MCHR1: variants seen among roughly 807,000 people sequenced by gnomAD.
MCHR1 encodes the protein melanin-concentrating hormone receptor 1.
Under a neutral mutation model 20.4 loss-of-function variants are expected in MCHR1, and 13 were observed. The observed-to-expected ratio is 0.64, with a 90% CI of 0.41 to 1.01. MCHR1 has a LOEUF of 1.01. MCHR1 is among the 50% of genes least tolerant of loss of function. The pLI is 0.00. For synonymous variants in MCHR1, 215 were observed against 204.4 expected, an observed-to-expected ratio of 1.05 and a Z score of -0.44; for missense variants, 472 against 477.0, an observed-to-expected ratio of 0.99 and a Z score of 0.10.
Position 40,681,667 on chromosome 22 carries a change from GTGC to G in MCHR1, c.804_806del (p.Cys268del). On this transcript the variant is annotated inframe_deletion, in exon 2 of 2. Transcript: ENST00000249016. The surrounding 1 kb of genome is among the most constrained non-coding windows in gnomAD (Gnocchi z 4.3). The stretch of plus-strand genomic sequence containing the variant: ...TCGCCATCTGTCTGGTCTTCTTTGT[GTGC>G]TGGGCACCCTACTATGTGCTACAGC... 1 of 1,614,282 alleles carries G rather than the reference GTGC, an allele frequency of 6.2e-7. No individual in the cohort carries two copies. The highest frequency in any genetic ancestry group is 8.5e-7 in the Non-Finnish European group (1 of 1,180,048).
rs1433701088 is a variant in MCHR1 at position 40,679,700 on chromosome 22, C to T, written c.48C>T (p.Asn16=). Reference sequence around the variant, plus strand: ...TGCCCACTGGTCCCAACGCCAGCAACACCTCTGATGGCCCCGATAACCTCA... The same window carrying T: ...TGCCCACTGGTCCCAACGCCAGCAATACCTCTGATGGCCCCGATAACCTCA... ...SLLPTGPNAS[N]TSDGPDNLTS... The change falls in exon 1 of 2, where the codon AAC becomes AAT. Residue 16 remains asparagine, a synonymous_variant. Transcript: ENST00000249016. 1.9e-6 allele frequency: 3 copies of T among 1,614,124 alleles called. No homozygotes were observed. The highest frequency in any genetic ancestry group is 2.5e-6 in the Non-Finnish European group (3 of 1,180,008).
At position 40,681,723 on chromosome 22, in the gene MCHR1, C is replaced by A. The variant is rs201606721; in HGVS notation, c.857C>A (p.Thr286Asn). ...QLTQLSISRP[T>N]LTFVYLYNAA... ...ACCCAGTTGTCCATCAGCCGCCCGACCCTCACCTTTGTCTACTTATACAAT... is the reference window on the plus strand; with the variant it reads ...ACCCAGTTGTCCATCAGCCGCCCGAACCTCACCTTTGTCTACTTATACAAT... Residue 286 changes from threonine to asparagine, a missense_variant, in exon 2 of 2, where the codon ACC (threonine) becomes AAC (asparagine). Thr to Asn is a moderately conservative substitution (Grantham distance 65). Coordinates refer to ENST00000249016, the MANE Select transcript of MCHR1 (RefSeq NM_005297.4). The surrounding 1 kb of genome is among the most constrained non-coding windows in gnomAD (Gnocchi z 4.3). 2.5e-6 allele frequency: 4 copies of A among 1,614,276 alleles called. No homozygotes were observed. The highest frequency in any genetic ancestry group is 3.4e-6 in the Non-Finnish European group (4 of 1,180,056).
chr22:40,681,398 G>A lies in MCHR1; in HGVS notation c.532G>A (p.Val178Met). Reference sequence around the variant, plus strand: ...CCTCTCCTTCATCAGCATCACCCCTGTGTGGCTGTATGCCAGACTCATCCC... The same window carrying A: ...CCTCTCCTTCATCAGCATCACCCCTATGTGGCTGTATGCCAGACTCATCCC... ...WALSFISITP[V>M]WLYARLIPFP... The change falls in exon 2 of 2, where the codon GTG becomes ATG. Residue 178 changes from valine to methionine, a missense_variant. Transcript: ENST00000249016. This position sits in a 1 kb window ranked among gnomAD's most constrained non-coding sequence, Gnocchi z 4.3. The A allele has an allele frequency of 6.2e-7, 1 of 1,614,156 alleles. No homozygotes were observed. The highest frequency in any genetic ancestry group is 8.5e-7 in the Non-Finnish European group (1 of 1,180,044).
chr22:40,681,299 A>G lies in MCHR1; in HGVS notation c.433A>G (p.Thr145Ala), dbSNP rs779860748. 7.4e-6 allele frequency: 12 copies of G among 1,613,972 alleles called. No individual in the cohort carries two copies. The Admixed American group carries it at 1.0e-4, about 13-fold the overall frequency. Residue 145 changes from threonine (T) to alanine (A), a missense_variant, in exon 2 of 2, where the codon ACT becomes GCT. Coordinates refer to ENST00000249016, the MANE Select transcript of MCHR1 (RefSeq NM_005297.4). This position sits in a 1 kb window ranked among gnomAD's most constrained non-coding sequence, Gnocchi z 4.3. ...TAMAIDRYLA[T>A]VHPISSTKFR... ...CATGGCCATTGACCGCTACCTGGCC[A>G]CTGTCCACCCCATCTCTTCCACGAA...
rs190547628 is a variant in MCHR1, at chr22:40,681,828, G to T, written c.962G>T (p.Arg321Leu). Residue 321 changes from arginine (R) to leucine (L), a missense_variant, in exon 2 of 2, where the codon CGC becomes CTC. Transcript: ENST00000249016. The surrounding 1 kb of genome is among the most constrained non-coding windows in gnomAD (Gnocchi z 4.3). ...GTGCTCTGTGAGACGTTCCGCAAAC[G>T]CTTGGTCCTGTCGGTGAAGCCTGCA... Reference protein sequence around the residue: ...YIVLCETFRKRLVLSVKPAAQ... With the variant: ...YIVLCETFRKLLVLSVKPAAQ... 3 of 1,614,148 alleles carry T rather than the reference G, an allele frequency of 1.9e-6. No homozygotes were observed. Among genetic ancestry groups the T allele is most frequent in the African/African-American group, 1.3e-5 (1 of 75,062 alleles).
At position 40,681,810 on chromosome 22, in the gene MCHR1, G is replaced by A; in HGVS notation, c.944G>A (p.Cys315Tyr). The A allele has an allele frequency of 6.2e-7, 1 of 1,614,230 alleles. No homozygotes were observed. Reference protein sequence around the residue: ...CLNPFVYIVLCETFRKRLVLS... With the variant: ...CLNPFVYIVLYETFRKRLVLS... ...AACCCCTTTGTGTACATCGTGCTCTGTGAGACGTTCCGCAAACGCTTGGTC... is the reference window on the plus strand; with the variant it reads ...AACCCCTTTGTGTACATCGTGCTCTATGAGACGTTCCGCAAACGCTTGGTC... The change falls in exon 2 of 2, where the codon TGT (cysteine) becomes TAT (tyrosine). Residue 315 changes from cysteine (C) to tyrosine (Y), a missense_variant. By Grantham distance (194) the Cys-to-Tyr change is radical (BLOSUM62 -2). Coordinates refer to ENST00000249016, the MANE Select transcript of MCHR1 (RefSeq NM_005297.4). This position sits in a 1 kb window ranked among gnomAD's most constrained non-coding sequence, Gnocchi z 4.3.
In MCHR1 at chr22:40,682,266, G is replaced by C; in HGVS notation, c.*338G>C. On this transcript the variant is annotated 3_prime_UTR_variant, in exon 2 of 2. Coordinates refer to ENST00000249016, the MANE Select transcript of MCHR1 (RefSeq NM_005297.4). ...CTTCTTCCCAAGGCAAGAGGTGGAA[G>C]GGTACTGACTGGGTTTGTTTAAAGT... The C allele has an allele frequency of 2.7e-6, 1 of 375,956 alleles. No individual in the cohort carries two copies. Among genetic ancestry groups the C allele is most frequent in the South Asian group, 2.3e-5 (1 of 43,098 alleles). 23.3% of individuals were successfully genotyped at this position (375,956 alleles called of 1,614,324 possible).
chr22:40,679,711 G>A lies in MCHR1; in HGVS notation c.59G>A (p.Gly20Asp). 6.2e-7 allele frequency: 1 copy of A among 1,614,132 alleles called. No homozygotes were observed. The highest frequency in any genetic ancestry group is 8.5e-7 in the Non-Finnish European group (1 of 1,180,014). Residue 20 changes from glycine to aspartate, a missense_variant, in exon 1 of 2, where the codon GGC becomes GAC. Coordinates refer to ENST00000249016, the MANE Select transcript of MCHR1 (RefSeq NM_005297.4). ...CCCAACGCCAGCAACACCTCTGATGGCCCCGATAACCTCACTTCGGCAGGT... is the reference window on the plus strand; with the variant it reads ...CCCAACGCCAGCAACACCTCTGATGACCCCGATAACCTCACTTCGGCAGGT... ...TGPNASNTSDGPDNLTSAGSP... is the reference protein window; with the variant it reads ...TGPNASNTSDDPDNLTSAGSP...
chr22:40,680,746 C>T (rs1157773362), intron 1 of MCHR1: 1 of 985,074 alleles, frequency 1.0e-6, no homozygotes, highest in Admixed American at 6.2e-5. Context: ...AGACAGATGG[C>T]TCAGGGCACT....
In MCHR1 at chr22:40,682,273, G is replaced by C; in HGVS notation, c.*345G>C. On this transcript the variant is annotated 3_prime_UTR_variant, in exon 2 of 2. Transcript: ENST00000249016. ...CCAAGGCAAGAGGTGGAAGGGTACTGACTGGGTTTGTTTAAAGTCAGGCAG... is the reference window on the plus strand; with the variant it reads ...CCAAGGCAAGAGGTGGAAGGGTACTCACTGGGTTTGTTTAAAGTCAGGCAG... The C allele has an allele frequency of 2.8e-6, 1 of 355,842 alleles. No homozygotes were observed. The highest frequency in any genetic ancestry group is 5.4e-6 in the Non-Finnish European group (1 of 184,246). The allele number at this position is 355,842 out of a possible 1,614,324, so 22.0% of individuals were successfully genotyped here.
chr22:40,679,493 T>G lies in MCHR1; in HGVS notation c.-160T>G, dbSNP rs764672041. The G allele has an allele frequency of 6.2e-7, 1 of 1,614,100 alleles. No homozygotes were observed. The highest frequency in any genetic ancestry group is 2.2e-5 in the East Asian group (1 of 44,872). On this transcript the variant is annotated 5_prime_UTR_variant, in exon 1 of 2. Coordinates refer to ENST00000249016, the MANE Select transcript of MCHR1 (RefSeq NM_005297.4). ...AGGGAGTGGGGAGGGCAGTTGGGCTTGGAGGCGGCAGCGGCTGCCAGGCTA... is the reference window on the plus strand; with the variant it reads ...AGGGAGTGGGGAGGGCAGTTGGGCTGGGAGGCGGCAGCGGCTGCCAGGCTA...
rs761125295 is a variant in MCHR1 at position 40,681,884 on chromosome 22, G to A, written c.1018G>A (p.Ala340Thr). 2.9e-5 allele frequency: 47 copies of A among 1,612,476 alleles called. No homozygotes were observed. Among genetic ancestry groups the A allele is most frequent in the East Asian group, 1.8e-4 (8 of 44,902 alleles). The change falls in exon 2 of 2, where the codon GCT becomes ACT. Residue 340 changes from alanine (A) to threonine (T), a missense_variant. Coordinates refer to ENST00000249016, the MANE Select transcript of MCHR1 (RefSeq NM_005297.4). This position sits in a 1 kb window ranked among gnomAD's most constrained non-coding sequence, Gnocchi z 4.3. ...GGGGCAGCTTCGCGCTGTCAGCAAC[G>A]CTCAGACGGCTGACGAGGAGAGGAC... is the stretch of plus-strand genomic sequence containing the variant. ...AQGQLRAVSN[A>T]QTADEERTES... is the part of the protein sequence containing the mutation.
chr22:40,682,072 C>T lies in MCHR1; in HGVS notation c.*144C>T, dbSNP rs1474270849. 1 of 1,089,612 alleles carries T rather than the reference C, an allele frequency of 9.2e-7. No individual in the cohort carries two copies. The highest frequency in any genetic ancestry group is 1.3e-6 in the Non-Finnish European group (1 of 749,956). The allele number at this position is 1,089,612 out of a possible 1,614,324, so 67.5% of individuals were successfully genotyped here. A position where few individuals can be genotyped will look rare whatever the true frequency, so the allele number is the denominator to read the frequency against. Reference sequence around the variant, plus strand: ...TTGTTGCAATGAAATAAATACATTCCATGGGGCTCACACGTTGCTGGGGAG... The same window carrying T: ...TTGTTGCAATGAAATAAATACATTCTATGGGGCTCACACGTTGCTGGGGAG... On this transcript the variant is annotated 3_prime_UTR_variant, in exon 2 of 2. Transcript: ENST00000249016.
Position 40,680,948 on chromosome 22 carries a change from G to A in MCHR1, c.83-1G>A. On this transcript the variant is annotated splice_acceptor_variant, in intron 1 of 1. Transcript: ENST00000249016. LOFTEE classifies it high-confidence loss of function. ...CCAACGCTTGCTCCTTCTGTCCCCA[G>A]GATCACCTCCTCGCACGGGGAGCAT... 1 of 1,613,844 alleles carries A rather than the reference G, an allele frequency of 6.2e-7. No homozygotes were observed.
rs970347424 is a variant in MCHR1 at position 40,680,857 on chromosome 22, TG to T, written c.83-89del. 3.2e-6 allele frequency: 5 copies of T among 1,586,860 alleles called. No individual in the cohort carries two copies. The African/African-American group carries it at 6.7e-5, about 21-fold the overall frequency. ...GTGGGAGAGGATTCCAGATGAACGGTGGGTCGCTGGAGGCTGAGCATGCCAG... is the reference window on the plus strand; with the variant it reads ...GTGGGAGAGGATTCCAGATGAACGGTGGTCGCTGGAGGCTGAGCATGCCAG... On this transcript the variant is annotated intron_variant, in intron 1 of 1. Coordinates refer to ENST00000249016, the MANE Select transcript of MCHR1 (RefSeq NM_005297.4).
Position 40,682,015 on chromosome 22 carries a change from C to A in MCHR1, c.*87C>A, listed in dbSNP as rs201971915. On this transcript the variant is annotated 3_prime_UTR_variant, in exon 2 of 2. Coordinates refer to ENST00000249016, the MANE Select transcript of MCHR1 (RefSeq NM_005297.4). Reference sequence around the variant, plus strand: ...ATGCTGAGAAAAACCCAAGACCGCTCGGGAAATGCAGGAAGGCCGGGTTGT... The same window carrying A: ...ATGCTGAGAAAAACCCAAGACCGCTAGGGAAATGCAGGAAGGCCGGGTTGT... 1.3e-6 allele frequency: 2 copies of A among 1,547,144 alleles called. No homozygotes were observed. Among genetic ancestry groups the A allele is most frequent in the East Asian group, 2.3e-5 (1 of 44,266 alleles).
rs578112438 is a variant in MCHR1 at position 40,681,778 on chromosome 22, C to T, written c.912C>T (p.Ser304=). ...NAAISLGYAN[S]CLNPFVYIVL... ...CCATCAGCTTGGGCTATGCCAACAG[C>T]TGCCTCAACCCCTTTGTGTACATCG... The change falls in exon 2 of 2, where the codon AGC becomes AGT. Residue 304 remains serine, a synonymous_variant. Transcript: ENST00000249016. The surrounding 1 kb of genome is among the most constrained non-coding windows in gnomAD (Gnocchi z 4.3). 1.2e-6 allele frequency: 2 copies of T among 1,614,278 alleles called. No homozygotes were observed. Among genetic ancestry groups the T allele is most frequent in the African/African-American group, 2.7e-5 (2 of 75,076 alleles).
At position 40,680,992 on chromosome 22, in the gene MCHR1, C is replaced by G; in HGVS notation, c.126C>G (p.Ile42Met). 6.2e-7 allele frequency: 1 copy of G among 1,614,180 alleles called. No homozygotes were observed. The highest frequency in any genetic ancestry group is 8.5e-7 in the Non-Finnish European group (1 of 1,180,038). Residue 42 changes from isoleucine (I) to methionine (M), a missense_variant, in exon 2 of 2, where the codon ATC (isoleucine) becomes ATG (methionine). By Grantham distance (10) the Ile-to-Met change is conservative (BLOSUM62 1). Coordinates refer to ENST00000249016, the MANE Select transcript of MCHR1 (RefSeq NM_005297.4). ...RTGSISYINI[I>M]MPSVFGTICL... is the part of the protein sequence containing the mutation. ...GGAGCATCTCCTACATCAACATCATCATGCCTTCGGTGTTCGGCACCATCT... is the reference window on the plus strand; with the variant it reads ...GGAGCATCTCCTACATCAACATCATGATGCCTTCGGTGTTCGGCACCATCT...
rs1007338393 is a variant in MCHR1 at position 40,681,128 on chromosome 22, G to A, written c.262G>A (p.Val88Ile). The A allele has an allele frequency of 5.0e-6, 8 of 1,613,456 alleles. No individual in the cohort carries two copies. Among genetic ancestry groups the A allele is most frequent in the African/African-American group, 2.7e-5 (2 of 74,780 alleles). ...CATCTTCATCATCAACCTCTCGGTAGTAGATCTCCTCTTTCTCCTGGGCAT... is the reference window on the plus strand; with the variant it reads ...CATCTTCATCATCAACCTCTCGGTAATAGATCTCCTCTTTCTCCTGGGCAT... ...PDIFIINLSV[V>I]DLLFLLGMPF... Residue 88 changes from valine (V) to isoleucine (I), a missense_variant, in exon 2 of 2, where the codon GTA becomes ATA. By Grantham distance (29) the Val-to-Ile change is conservative (BLOSUM62 3). Coordinates refer to ENST00000249016, the MANE Select transcript of MCHR1 (RefSeq NM_005297.4). This position sits in a 1 kb window ranked among gnomAD's most constrained non-coding sequence, Gnocchi z 4.3.
Sources: gnomAD v4.1 joint callset for allele counts on GRCh38, gnomAD v4.1.1 for gene constraint, Gnocchi (gnomAD v3.1) non-coding constraint, MANE v1.5 for transcripts, NCBI Gene and HGNC (gene_info 2026-07-23, HGNC 2026-07-21) for gene names.